Variants in MAD1L1 observed in about 807,000 individuals in gnomAD.
The protein encoded by MAD1L1 is mitotic spindle assembly checkpoint protein MAD1.
Under a neutral mutation model 96.9 loss-of-function variants are expected in MAD1L1, and 95 were observed. The observed-to-expected ratio is 0.98, with a 90% CI of 0.83 to 1.16. The LOEUF (loss-of-function observed/expected upper bound fraction) is 1.16, where lower values mean the gene tolerates loss of function less well. MAD1L1 is among the 50% of genes most tolerant of loss of function. MAD1L1 has a pLI of 0.00. For synonymous variants in MAD1L1, 473 were observed against 396.6 expected (o/e 1.19, Z -2.29); for missense variants, 1,007 against 954.4 (o/e 1.06, Z -0.73).
intron 17 of MAD1L1, among the ~76,000 whole-genome samples, chr7:1,903,144 T>C (rs1463884298): frequency 6.7e-6 from 1 of 148,334 alleles, no homozygotes; most frequent in African/African-American, 2.5e-5. Context: ...GCGGAACTCA[T>C]GATTGATCCA....
chr7:2,105,750 G>T (rs1438130357), intron 11 of MAD1L1, among the ~76,000 whole-genome samples: 2 of 151,998 alleles, frequency 1.3e-5, no homozygotes, highest in Non-Finnish European at 2.9e-5. Context: ...GATGAGACCA[G>T]AAAGTCCAGG....
At chr7:2,189,736 T>C (rs767779536) in intron 10 of MAD1L1, among the ~76,000 whole-genome samples, 9 of 152,210 alleles carry the variant, frequency 5.9e-5, no homozygotes, top group Non-Finnish European at 8.8e-5. Flanking sequence ...TGCACAGCAA[T>C]ATGAATGTTC....
intron 17 of MAD1L1, among the ~76,000 whole-genome samples, chr7:1,936,047 G>C (rs1778579219): frequency 6.6e-6 from 1 of 152,230 alleles, no homozygotes; most frequent in Non-Finnish European, 1.5e-5. Flanking sequence ...CTCGCTGGGG[G>C]TGCAGACTGC....
chr7:2,118,852 G>C (rs1787843654), intron 11 of MAD1L1, among the ~76,000 whole-genome samples: 1 of 152,228 alleles, frequency 6.6e-6, no homozygotes, highest in Non-Finnish European at 1.5e-5. Flanking sequence ...CACGTCCCTA[G>C]CATTCCACAG....
Position 2,090,242 on chromosome 7 carries a change from C to A in MAD1L1, c.1074-20904G>T, listed in dbSNP as rs532675631. Reference sequence around the variant, plus strand: ...GGTAGGCCAGAAGACAAAGCAGGTCCACTGAGTCACCGGCGCTCGGGGAGG... The same window carrying A: ...GGTAGGCCAGAAGACAAAGCAGGTCAACTGAGTCACCGGCGCTCGGGGAGG... On this transcript the variant is annotated intron_variant, in intron 11 of 18. Transcript: ENST00000265854. Among the ~76,000 whole-genome samples, 12 of 152,332 alleles carry A rather than the reference C, an allele frequency of 7.9e-5. No homozygotes were observed. The East Asian group carries it at 2.3e-3, about 29-fold the overall frequency.
chr7:1,837,200 C>G (rs1227617426), intron 18 of MAD1L1, among the ~76,000 whole-genome samples: 1 of 152,206 alleles, frequency 6.6e-6, no homozygotes, highest in Non-Finnish European at 1.5e-5. Context: ...GGCACAGGGA[C>G]AGATGCTCAG....
intron 10 of MAD1L1, among the ~76,000 whole-genome samples, chr7:2,184,543 T>C (rs905688908): frequency 1.3e-5 from 2 of 152,190 alleles, no homozygotes; most frequent in African/African-American, 4.8e-5. Flanking sequence ...GGCCCAGCAA[T>C]TTGACTTCTG....
chr7:1,888,060 C>T (rs1458695310), intron 18 of MAD1L1, among the ~76,000 whole-genome samples: 5 of 138,878 alleles, frequency 3.6e-5, no homozygotes, highest in East Asian at 4.5e-4. Flanking sequence ...AGCCTTCATC[C>T]GTGTGGGTGG....
At chr7:2,152,219 C>A (rs1302143180) in intron 10 of MAD1L1, among the ~76,000 whole-genome samples, 1 of 152,208 alleles carries the variant, frequency 6.6e-6, no homozygotes, top group African/African-American at 2.4e-5. Flanking sequence ...GGCCACATCC[C>A]TAGGCCCCCA....
At chr7:2,008,276 G>A (rs1782126852) in intron 13 of MAD1L1, among the ~76,000 whole-genome samples, 1 of 152,226 alleles carries the variant, frequency 6.6e-6, no homozygotes, top group Non-Finnish European at 1.5e-5. Context: ...GGCTGGTCTC[G>A]GTAGGGTTCC....
intron 3 of MAD1L1, among the ~76,000 whole-genome samples, chr7:2,227,881 G>A (rs1359524760): frequency 1.3e-5 from 2 of 152,160 alleles, no homozygotes; most frequent in African/African-American, 4.8e-5. Flanking sequence ...ACCTCTGCCT[G>A]GAGCTGACTA....
At chr7:1,937,132 T>C (rs548051343) in intron 16 of MAD1L1, among the ~76,000 whole-genome samples, 2 of 152,228 alleles carry the variant, frequency 1.3e-5, no homozygotes, top group African/African-American at 2.4e-5. Context: ...ACCTGCTGGG[T>C]CCCTTCTGCC....
intron 11 of MAD1L1, among the ~76,000 whole-genome samples, chr7:2,130,151 C>T (rs958225957): frequency 6.6e-6 from 1 of 152,282 alleles, no homozygotes; most frequent in Non-Finnish European, 1.5e-5. Context: ...TTGGATTTCC[C>T]TGCCCTGCCT....
At chr7:1,861,001 C>T (rs1784517648) in intron 18 of MAD1L1, among the ~76,000 whole-genome samples, 1 of 152,222 alleles carries the variant, frequency 6.6e-6, no homozygotes, top group African/African-American at 2.4e-5. Flanking sequence ...CCGATGGAGT[C>T]CACCTCTGTC....
intron 18 of MAD1L1, chr7:1,874,587 A>G: frequency 2.2e-6 from 1 of 451,330 alleles, no homozygotes; most frequent in Non-Finnish European, 4.4e-6. Context: ...GCTCTCACCT[A>G]TCAGCATTAC....
At chr7:2,039,227 T>C (rs756050442) in intron 12 of MAD1L1, among the ~76,000 whole-genome samples, 1 of 152,232 alleles carries the variant, frequency 6.6e-6, no homozygotes, top group Non-Finnish European at 1.5e-5. Context: ...TGAGTATTAC[T>C]CTGTGTGACG....
chr7:2,133,774 C>G (rs535311489), intron 11 of MAD1L1, among the ~76,000 whole-genome samples: 9 of 152,298 alleles, frequency 5.9e-5, no homozygotes, highest in African/African-American at 2.2e-4. Context: ...TTCCGCTGTT[C>G]CAGCACCATT....
chr7:2,072,793 C>A (rs1049078884), intron 11 of MAD1L1, among the ~76,000 whole-genome samples: 1 of 152,222 alleles, frequency 6.6e-6, no homozygotes, highest in East Asian at 1.9e-4. Context: ...GGGAAGCACC[C>A]TCAGCTCAGC....
chr7:2,042,072 C>T (rs1035681496), intron 12 of MAD1L1, among the ~76,000 whole-genome samples: 1 of 151,688 alleles, frequency 6.6e-6, no homozygotes, highest in Admixed American at 6.6e-5. Flanking sequence ...TGCACGTACA[C>T]ACATATGTAC....
Sources: allele counts gnomAD v4.1 joint callset (sites outside exome capture counted in the v4.1 genomes callset), GRCh38; gene constraint gnomAD v4.1.1; transcripts MANE v1.5; gene names NCBI Gene and HGNC (gene_info 2026-07-23, HGNC 2026-07-21).